GALNT18: variants seen among roughly 807,000 people sequenced by gnomAD.
GALNT18 encodes the protein polypeptide N-acetylgalactosaminyltransferase 18.
In GALNT18, 44 loss-of-function variants were observed where a neutral mutation model predicts 69.5. The observed-to-expected ratio is 0.63, with a 90% CI of 0.50 to 0.81. The LOEUF is 0.81. Among genes scored for constraint, GALNT18 ranks in the 40% least tolerant of loss-of-function variants. The probability of loss-of-function intolerance (pLI) is 0.00; values close to 1 mark genes in which losing one functional copy is unlikely to be tolerated. For missense variants in GALNT18, 715 were observed against 810.0 expected (o/e 0.88, Z 1.42); for synonymous variants, 364 against 318.2 (o/e 1.14, Z -1.53).
intron 1 of GALNT18, among the ~76,000 whole-genome samples, chr11:11,615,819 G>T (rs1179189708): frequency 1.3e-5 from 2 of 152,142 alleles, no homozygotes; most frequent in Admixed American, 6.5e-5. Flanking sequence ...TCAGGCCCCA[G>T]ATCAAACCTT....
chr11:11,394,871 A>T (rs1854288671), intron 3 of GALNT18, among the ~76,000 whole-genome samples: 1 of 152,212 alleles, frequency 6.6e-6, no homozygotes, highest in South Asian at 2.1e-4. Context: ...ATTCTGAGTT[A>T]GAGTAGCCAG....
Position 11,564,649 on chromosome 11 carries a change from A to T in GALNT18, c.235+56710T>A, listed in dbSNP as rs752137109. 3.9e-5 allele frequency among the ~76,000 whole-genome samples: 6 copies of T among 152,138 alleles called. No individual in the cohort carries two copies. The highest frequency in any genetic ancestry group is 5.9e-5 in the Non-Finnish European group (4 of 68,014). On this transcript the variant is annotated intron_variant, in intron 1 of 10. Coordinates refer to ENST00000227756, the MANE Select transcript of GALNT18 (RefSeq NM_198516.3). This position sits in a 1 kb window ranked among gnomAD's most constrained non-coding sequence, Gnocchi z 4.3. ...TTGGTAGCTAATGATGTTGGTTGGA[A>T]TTTAATACCAACTTATCTATGAAAA...
intron 10 of GALNT18, among the ~76,000 whole-genome samples, chr11:11,285,243 G>A (rs1029918623): frequency 6.6e-6 from 1 of 152,080 alleles, no homozygotes; most frequent in Non-Finnish European, 1.5e-5. Context: ...TTAAAGCATG[G>A]ACCCCAGAGG....
At chr11:11,271,861 T>C (rs1848835163) in intron 10 of GALNT18, among the ~76,000 whole-genome samples, 1 of 152,236 alleles carries the variant, frequency 6.6e-6, no homozygotes. Context: ...TAGCCATTCA[T>C]ACTCAGTTTA....
intron 6 of GALNT18, chr11:11,353,245 C>A (rs929138873): frequency 8.1e-6 from 10 of 1,227,772 alleles, no homozygotes; most frequent in Non-Finnish European, 1.2e-5. Context: ...GTGGAAGCGG[C>A]AGCGGCTGTG....
In GALNT18 at chr11:11,540,058, G is replaced by C. The variant is rs1280260072; in HGVS notation, c.235+81301C>G. Among the ~76,000 whole-genome samples the C allele has an allele frequency of 6.6e-6, 1 of 152,178 alleles. No homozygotes were observed. On this transcript the variant is annotated intron_variant, in intron 1 of 10. Transcript: ENST00000227756. The surrounding 1 kb of genome is among the most constrained non-coding windows in gnomAD (Gnocchi z 4.6). ...GTCCGGCACTTGCAGCCTGGCCTCT[G>C]GGCTGGCACCCCAGCCCCACCCACC...
chr11:11,356,570 T>C lies in GALNT18; in HGVS notation c.1093-15566A>G, dbSNP rs1032225786. Among the ~76,000 whole-genome samples the C allele has an allele frequency of 1.3e-5, 2 of 152,236 alleles. No individual in the cohort carries two copies. The highest frequency in any genetic ancestry group is 4.8e-5 in the African/African-American group (2 of 41,460). On this transcript the variant is annotated intron_variant, in intron 6 of 10. Transcript: ENST00000227756. The surrounding 1 kb of genome is among the most constrained non-coding windows in gnomAD (Gnocchi z 4.4). ...CAAATCCCCAGTCTATAATCAAAGTTCACCAATTGTCCCAATCAAAGCCTT... is the reference window on the plus strand; with the variant it reads ...CAAATCCCCAGTCTATAATCAAAGTCCACCAATTGTCCCAATCAAAGCCTT...
intron 6 of GALNT18, among the ~76,000 whole-genome samples, chr11:11,342,719 A>C (rs1170533280): frequency 6.6e-6 from 1 of 152,228 alleles, no homozygotes; most frequent in East Asian, 1.9e-4. Context: ...GCAGCAAAAC[A>C]TGGTGGGTGG....
Position 11,470,027 on chromosome 11 carries a change from AC to A in GALNT18, c.236-21092del. On this transcript the variant is annotated intron_variant, in intron 1 of 10. Transcript: ENST00000227756. This position sits in a 1 kb window ranked among gnomAD's most constrained non-coding sequence, Gnocchi z 4.8. Reference sequence around the variant, plus strand: ...GCCTTTGTAACTGCTTCCCATAGGAACCTTTAGAGAAAGACTGTCCCTCCAA... The same window carrying A: ...GCCTTTGTAACTGCTTCCCATAGGAACTTTAGAGAAAGACTGTCCCTCCAA... 6.6e-6 allele frequency among the ~76,000 whole-genome samples: 1 copy of A among 152,270 alleles called. No individual in the cohort carries two copies. Among genetic ancestry groups the A allele is most frequent in the South Asian group, 2.1e-4 (1 of 4,816 alleles).
At position 11,563,091 on chromosome 11, in the gene GALNT18, C is replaced by T. The variant is rs1033054831; in HGVS notation, c.235+58268G>A. ...CCCCCACCCTGCAAACAAGACTCCTCCAGCCCAGGAGGTGACCCCCCACCA... is the reference window on the plus strand; with the variant it reads ...CCCCCACCCTGCAAACAAGACTCCTTCAGCCCAGGAGGTGACCCCCCACCA... On this transcript the variant is annotated intron_variant, in intron 1 of 10. Coordinates refer to ENST00000227756, the MANE Select transcript of GALNT18 (RefSeq NM_198516.3). This position sits in a 1 kb window ranked among gnomAD's most constrained non-coding sequence, Gnocchi z 4.6. 1.3e-5 allele frequency among the ~76,000 whole-genome samples: 2 copies of T among 152,144 alleles called. No individual in the cohort carries two copies. The highest frequency in any genetic ancestry group is 4.8e-5 in the African/African-American group (2 of 41,408).
intron 10 of GALNT18, among the ~76,000 whole-genome samples, chr11:11,280,005 ATG>A (rs1216742865): frequency 6.6e-6 from 1 of 152,076 alleles, no homozygotes; most frequent in African/African-American, 2.4e-5. Context: ...GGGACTGTGT[ATG>A]TGTGTGTTGG....
In GALNT18 at chr11:11,541,425, C is replaced by T. The variant is rs1174593938; in HGVS notation, c.235+79934G>A. ...AGTGGTCTCCCAGCCAGTCTCCCTG[C>T]CTTCAGCCTCATTCCTCCCATCCAC... is the stretch of plus-strand genomic sequence containing the variant. On this transcript the variant is annotated intron_variant, in intron 1 of 10. Coordinates refer to ENST00000227756, the MANE Select transcript of GALNT18 (RefSeq NM_198516.3). This position sits in a 1 kb window ranked among gnomAD's most constrained non-coding sequence, Gnocchi z 4.8. Among the ~76,000 whole-genome samples the T allele has an allele frequency of 6.6e-6, 1 of 152,176 alleles. No individual in the cohort carries two copies. The highest frequency in any genetic ancestry group is 2.4e-5 in the African/African-American group (1 of 41,446).
intron 3 of GALNT18, among the ~76,000 whole-genome samples, chr11:11,411,029 G>C (rs1854714523): frequency 6.6e-6 from 1 of 152,212 alleles, no homozygotes; most frequent in South Asian, 2.1e-4. Flanking sequence ...GAACTTAGTG[G>C]AGGCTGGGTG....
intron 3 of GALNT18, among the ~76,000 whole-genome samples, chr11:11,412,623 GC>G (rs1179768221): frequency 6.6e-6 from 1 of 152,220 alleles, no homozygotes; most frequent in Non-Finnish European, 1.5e-5. Context: ...CTTGCAGTTG[GC>G]CTGTGTAGAT....
chr11:11,373,957 T>C (rs1339816268), intron 5 of GALNT18, among the ~76,000 whole-genome samples: 2 of 152,210 alleles, frequency 1.3e-5, no homozygotes, highest in African/African-American at 4.8e-5. Context: ...GAACCCATCT[T>C]TGAAAATGGA....
chr11:11,472,464 A>C (rs908127335), intron 1 of GALNT18, among the ~76,000 whole-genome samples: 1 of 152,196 alleles, frequency 6.6e-6, no homozygotes. Context: ...CAGAGAATAC[A>C]CTAAAATGTT....
rs922797744 is a variant in GALNT18, at chr11:11,583,969, A to G, written c.235+37390T>C. ...AGATGAAAGCACAAGGTCACACTCA[A>G]TGAAATAGAGATGAACTGAATTCTT... On this transcript the variant is annotated intron_variant, in intron 1 of 10. Coordinates refer to ENST00000227756, the MANE Select transcript of GALNT18 (RefSeq NM_198516.3). This position sits in a 1 kb window ranked among gnomAD's most constrained non-coding sequence, Gnocchi z 4.7. Among the ~76,000 whole-genome samples, 2 of 152,188 alleles carry G rather than the reference A, an allele frequency of 1.3e-5. No homozygotes were observed. Among genetic ancestry groups the G allele is most frequent in the Non-Finnish European group, 2.9e-5 (2 of 68,028 alleles).
Position 11,429,016 on chromosome 11 carries a change from T to C in GALNT18, c.595+3605A>G, listed in dbSNP as rs571163370. 2.0e-5 allele frequency among the ~76,000 whole-genome samples: 3 copies of C among 152,312 alleles called. No homozygotes were observed. The South Asian group carries it at 6.2e-4, about 32-fold the overall frequency. ...CTCCAGTTCCTGCCTGAGCTTGTGA[T>C]TCTCCTCTACAGTCAAGAATCCTCG... On this transcript the variant is annotated intron_variant, in intron 3 of 10. Transcript: ENST00000227756.
chr11:11,377,085 C>A lies in GALNT18; in HGVS notation c.977+97G>T. ...ACCCTGCCCACCCCTGTCATCCCCA[C>A]GATGGGGCTCAAGTTGGAGAATAAG... On this transcript the variant is annotated intron_variant, in intron 5 of 10. Transcript: ENST00000227756. The surrounding 1 kb of genome is among the most constrained non-coding windows in gnomAD (Gnocchi z 4.6). 1 of 1,206,214 alleles carries A rather than the reference C, an allele frequency of 8.3e-7. No individual in the cohort carries two copies. The highest frequency in any genetic ancestry group is 1.2e-6 in the Non-Finnish European group (1 of 835,142). The allele number at this position is 1,206,214 out of a possible 1,614,324, so 74.7% of individuals were successfully genotyped here.
Sources: gnomAD v4.1 joint callset for allele counts (sites outside exome capture counted in the v4.1 genomes callset) on GRCh38, gnomAD v4.1.1 for gene constraint, Gnocchi (gnomAD v3.1) non-coding constraint, MANE v1.5 for transcripts, NCBI Gene and HGNC (gene_info 2026-07-23, HGNC 2026-07-21) for gene names.